Variants in PRKDC observed in about 807,000 individuals in gnomAD.
The protein encoded by PRKDC is protein kinase, DNA-activated, catalytic subunit, also known as DNA-dependent protein kinase catalytic subunit.
Under a neutral mutation model 486.9 loss-of-function variants are expected in PRKDC, and 82 were observed. That is an observed-to-expected ratio of 0.17 (90% CI 0.14 to 0.20). The LOEUF (loss-of-function observed/expected upper bound fraction) is 0.20. Among genes scored for constraint, PRKDC ranks in the 10% least tolerant of loss-of-function variants. The pLI, the probability that PRKDC is intolerant of heterozygous loss-of-function variation, is 1.00. For synonymous variants in PRKDC, 1,895 were observed against 1,837.0 expected (o/e 1.03, Z -0.81); for missense variants, 4,504 against 5,038.2 (o/e 0.89, Z 3.21).
chr8:47,835,790 C>A (rs1310422512), intron 58 of PRKDC, among the ~76,000 whole-genome samples: 1 of 151,278 alleles, frequency 6.6e-6, no homozygotes, highest in Admixed American at 6.6e-5. Context: ...TGAGACAGGG[C>A]CTTGCTCTTT....
Position 47,825,326 on chromosome 8 carries a change from C to T in PRKDC, c.8783+1330G>A, listed in dbSNP as rs558031606. Among the ~76,000 whole-genome samples, 25 of 151,814 alleles carry T rather than the reference C, an allele frequency of 1.6e-4. 1 individual carries two copies. The East Asian group carries it at 1.7e-3, about 11-fold the overall frequency. On this transcript the variant is annotated intron_variant, in intron 63 of 85. Transcript: ENST00000314191. ...CGGGGCGGGCGGATCCTGGCTAACA[C>T]GGTGAAACCCCATCTCTACTAAAAA...
At chr8:47,850,277 G>A (rs866884345) in intron 52 of PRKDC, among the ~76,000 whole-genome samples, 8 of 152,158 alleles carry the variant, frequency 5.3e-5, no homozygotes, top group Non-Finnish European at 7.4e-5. Flanking sequence ...CACACAGACC[G>A]AACAGTTTTT....
rs139689659 is a variant in PRKDC, at chr8:47,864,514, T to C, written c.5571+42A>G. The C allele has an allele frequency of 2.0e-5, 31 of 1,537,360 alleles. No homozygotes were observed. In the East Asian group the frequency reaches 7.1e-4, roughly 35 times the overall value. On this transcript the variant is annotated intron_variant, in intron 41 of 85. Coordinates refer to ENST00000314191, the MANE Select transcript of PRKDC (RefSeq NM_006904.7). ...GCAGTGTCTAGGCACACCAGTCAAG[T>C]AGGCTGCTCACTTCTTATTACTGAT...
intron 7 of PRKDC, among the ~76,000 whole-genome samples, chr8:47,949,211 C>G (rs984707079): frequency 6.6e-6 from 1 of 152,188 alleles, no homozygotes; most frequent in Non-Finnish European, 1.5e-5. Flanking sequence ...TGGGGATGAT[C>G]CAGGATCATC....
At chr8:47,954,252 G>T in intron 5 of PRKDC, 86 bp downstream of exon 5, 3 of 582,768 alleles carry the variant, frequency 5.1e-6, no homozygotes, top group Non-Finnish European at 8.0e-6. Flanking sequence ...ATAAGACCTT[G>T]GTAGAGAAAA....
At chr8:47,886,186 A>G in intron 35 of PRKDC, 39 bp from the exon 36 acceptor site, 1 of 1,497,120 alleles carries the variant, frequency 6.7e-7, no homozygotes, top group East Asian at 2.3e-5. Flanking sequence ...ACTGGGGCAC[A>G]TCTTTGCATG....
chr8:47,950,709 C>T (rs573159599), intron 7 of PRKDC, among the ~76,000 whole-genome samples: 38 of 151,788 alleles, frequency 2.5e-4, no homozygotes, highest in African/African-American at 3.1e-4. Flanking sequence ...ATTGGCCAGG[C>T]GTGGCAGGTC....
chr8:47,894,246 C>G (rs1474863579), intron 30 of PRKDC, among the ~76,000 whole-genome samples: 1 of 152,112 alleles, frequency 6.6e-6, no homozygotes, highest in Non-Finnish European at 1.5e-5. Flanking sequence ...CACTGCATTA[C>G]ATCCTCAGCT....
At chr8:47,807,367 T>G (rs781150919) in intron 68 of PRKDC, 41 bp from the exon 69 acceptor site, 16 of 1,458,184 alleles carry the variant, frequency 1.1e-5, no homozygotes, top group African/African-American at 1.4e-5. Context: ...GACTCAGGAA[T>G]AGGAAGCTGC....
chr8:47,930,875 G>C, intron 16 of PRKDC, 88 bp from the exon 17 acceptor site: 1 of 1,246,006 alleles, frequency 8.0e-7, no homozygotes. Context: ...TCATGGTCAA[G>C]GCCTGATGCT....
chr8:47,939,435 TCAAGG>T, intron 11 of PRKDC, 111 bp downstream of exon 11: 1 of 1,191,082 alleles, frequency 8.4e-7, no homozygotes, highest in Non-Finnish European at 1.2e-6. Context: ...CCCATGTTAT[TCAAGG>T]GTCTACTGTA....
At chr8:47,842,118 C>T (rs539227538) in intron 54 of PRKDC, among the ~76,000 whole-genome samples, 45 of 152,290 alleles carry the variant, frequency 3.0e-4, no homozygotes, top group African/African-American at 9.4e-4. Flanking sequence ...GTGACCTAAC[C>T]TTCAGCTCAG....
chr8:47,907,176 G>A (rs2089800142), intron 25 of PRKDC, among the ~76,000 whole-genome samples: 1 of 151,058 alleles, frequency 6.6e-6, no homozygotes, highest in Non-Finnish European at 1.5e-5. Flanking sequence ...GAGTAGCTGG[G>A]ACTACAGGCA....
At chr8:47,803,272 T>G (rs1388637492) in intron 70 of PRKDC, 34 bp downstream of exon 70, 2 of 1,567,938 alleles carry the variant, frequency 1.3e-6, no homozygotes, top group African/African-American at 1.4e-5. Flanking sequence ...ACACAGCCCT[T>G]TAAGATATAA....
In PRKDC at chr8:47,853,116, C is replaced by T. The variant is rs1464579011; in HGVS notation, c.6894-332G>A. ...ACGGGACACTGACTCCCTTTCAAAA[C>T]CCACCTACTATAGCAGGACAAGGAC... On this transcript the variant is annotated intron_variant, in intron 51 of 85. Coordinates refer to ENST00000314191, the MANE Select transcript of PRKDC (RefSeq NM_006904.7). Among the ~76,000 whole-genome samples the T allele has an allele frequency of 2.6e-5, 4 of 152,314 alleles. No homozygotes were observed. The East Asian group carries it at 5.8e-4, about 22-fold the overall frequency.
intron 21 of PRKDC, among the ~76,000 whole-genome samples, chr8:47,921,528 T>C (rs2090071216): frequency 6.6e-6 from 1 of 152,146 alleles, no homozygotes; most frequent in African/African-American, 2.4e-5. Flanking sequence ...TTATGTGCTT[T>C]TCCTTTTTGC....
intron 21 of PRKDC, 160 bp downstream of exon 21, chr8:47,927,034 A>T: frequency 1.4e-6 from 1 of 729,534 alleles, no homozygotes; most frequent in African/African-American, 1.8e-5. Context: ...TATCACAATT[A>T]GAGTCAGATA....
At chr8:47,907,096 T>C (rs1196906398) in intron 25 of PRKDC, among the ~76,000 whole-genome samples, 1 of 151,238 alleles carries the variant, frequency 6.6e-6, no homozygotes, top group African/African-American at 2.4e-5. Context: ...TGGAGTGCAG[T>C]GGCGCGCAGT....
chr8:47,828,701 C>G (rs994912286), intron 61 of PRKDC, among the ~76,000 whole-genome samples: 1 of 152,070 alleles, frequency 6.6e-6, no homozygotes, highest in African/African-American at 2.4e-5. Flanking sequence ...GAAGATTAGC[C>G]CAGATAAAGT....
Sources: gnomAD v4.1 joint callset for allele counts (sites outside exome capture counted in the v4.1 genomes callset) on GRCh38, gnomAD v4.1.1 for gene constraint, MANE v1.5 for transcripts, NCBI Gene and HGNC (gene_info 2026-07-23, HGNC 2026-07-21) for gene names.